TMA16: variants seen among roughly 807,000 people sequenced by gnomAD.
TMA16 encodes the protein translation machinery associated 16 homolog, also known as translation machinery-associated protein 16.
Under a neutral mutation model 27.1 loss-of-function variants are expected in TMA16, and 26 were observed. The ratio of observed to expected loss-of-function variants is 0.96; its 90% CI spans 0.70 to 1.33. The LOEUF (loss-of-function observed/expected upper bound fraction) is 1.33. TMA16 is among the 40% of genes most tolerant of loss of function. The pLI is 0.00. For synonymous variants in TMA16, 71 were observed against 81.9 expected (o/e 0.87, Z 0.72); for missense variants, 233 against 241.4 (o/e 0.97, Z 0.23).
chr4:163,495,637 A>G (rs910318469), intron 1 of TMA16, among the ~76,000 whole-genome samples: 5 of 152,108 alleles, frequency 3.3e-5, no homozygotes, highest in African/African-American at 1.2e-4. Flanking sequence ...ATTTTTTTCA[A>G]TTAATTTTTA....
At chr4:163,499,886 C>G (rs113418914) in intron 1 of TMA16, among the ~76,000 whole-genome samples, 38 of 152,286 alleles carry the variant, frequency 2.5e-4, no homozygotes, top group African/African-American at 4.8e-4. Context: ...CTTGAACACA[C>G]AGCAAATGTT....
Position 163,507,039 on chromosome 4 carries a change from G to C in TMA16, c.10G>C (p.Ala4Pro). MPKAPKGKSAGREK... is the reference protein window; with the variant it reads MPKPPKGKSAGREK... ...GTGTTTTCATACATTTTAGCCCAAA[G>C]CACCAAAGGGAAAAAGTGCAGGACG... is the stretch of plus-strand genomic sequence containing the variant. Residue 4 changes from alanine to proline, a missense_variant, in exon 2 of 7, where the codon GCA (alanine) becomes CCA (proline). Ala to Pro is a conservative substitution (Grantham distance 27). Coordinates refer to ENST00000358572, the MANE Select transcript of TMA16 (RefSeq NM_018352.3). 6.3e-7 allele frequency: 1 copy of C among 1,585,378 alleles called. No individual in the cohort carries two copies. The highest frequency in any genetic ancestry group is 8.6e-7 in the Non-Finnish European group (1 of 1,165,148).
At chr4:163,517,667 G>T in intron 6 of TMA16, 191 bp downstream of exon 6, 1 of 517,096 alleles carries the variant, frequency 1.9e-6, no homozygotes, top group Non-Finnish European at 3.4e-6. Flanking sequence ...CCAACAGGAT[G>T]GTAACCTGGT....
intron 1 of TMA16, among the ~76,000 whole-genome samples, chr4:163,504,520 CAG>C (rs775207749): frequency 5.3e-5 from 8 of 152,094 alleles, no homozygotes; most frequent in Non-Finnish European, 1.2e-4. Context: ...TGTTTTGAGG[CAG>C]AGTCTGACCC....
At chr4:163,517,544 C>G in intron 6 of TMA16, 68 bp downstream of exon 6, 2 of 1,407,474 alleles carry the variant, frequency 1.4e-6, no homozygotes, top group Non-Finnish European at 2.0e-6. Context: ...CTTTCTTCCC[C>G]TTTGAGTCTA....
Position 163,494,745 on chromosome 4 carries a change from G to T in TMA16, c.-57G>T. 6.2e-7 allele frequency: 1 copy of T among 1,612,662 alleles called. No homozygotes were observed. ...CTTGTGAGCTGCTGCTCCTGCGGTTGGTGAGATTACCTGGGTCTAGAGTGC... is the reference window on the plus strand; with the variant it reads ...CTTGTGAGCTGCTGCTCCTGCGGTTTGTGAGATTACCTGGGTCTAGAGTGC... On this transcript the variant is annotated 5_prime_UTR_variant, in exon 1 of 7. Transcript: ENST00000358572.
chr4:163,495,575 C>T (rs1041178467), intron 1 of TMA16, among the ~76,000 whole-genome samples: 1 of 152,064 alleles, frequency 6.6e-6, no homozygotes, highest in African/African-American at 2.4e-5. Flanking sequence ...CTATTTTTTA[C>T]GTAATCGTTG....
Position 163,519,309 on chromosome 4 carries a change from CTT to C in TMA16, c.432-14_432-13del, listed in dbSNP as rs374376787. ...TTAACTCTTACCAACACTCTGCACT[CTT>C]TTTTTTTTTTCCTTTTGTCTAGGGA... On this transcript the variant is annotated intron_variant, in intron 6 of 6. Transcript: ENST00000358572. 731 of 1,199,158 alleles carry C rather than the reference CTT, an allele frequency of 6.1e-4. No individual in the cohort carries two copies. Among genetic ancestry groups the C allele is most frequent in the South Asian group, 1.6e-3 (101 of 62,810 alleles). The allele number at this position is 1,199,158 out of a possible 1,614,324, so 74.3% of individuals were successfully genotyped here. A position where few individuals can be genotyped will look rare whatever the true frequency, so the allele number is the denominator to read the frequency against.
intron 2 of TMA16, among the ~76,000 whole-genome samples, chr4:163,507,391 C>G (rs2028489): frequency 0.43 from 64,998 of 151,828 alleles, 14,650 homozygotes; most frequent in Admixed American, 0.55. Context: ...ATGGGATGGA[C>G]AGTGAGGGAG....
chr4:163,517,399 A>T, intron 5 of TMA16, 35 bp from the exon 6 acceptor site: 1 of 1,570,418 alleles, frequency 6.4e-7, no homozygotes, highest in Non-Finnish European at 8.7e-7. Flanking sequence ...TTTAGAAAAC[A>T]TTGCCTCATG....
At chr4:163,514,454 A>G (rs1483707092) in intron 4 of TMA16, among the ~76,000 whole-genome samples, 1 of 152,202 alleles carries the variant, frequency 6.6e-6, no homozygotes, top group African/African-American at 2.4e-5. Flanking sequence ...AACCCCTAGC[A>G]AGAAAGAAGA....
chr4:163,509,554 G>A (rs1472759983), intron 2 of TMA16, among the ~76,000 whole-genome samples: 1 of 152,188 alleles, frequency 6.6e-6, no homozygotes, highest in Non-Finnish European at 1.5e-5. Context: ...GTCTGGGACT[G>A]CATTCATCTC....
At chr4:163,515,973 C>T (rs1053357356) in intron 5 of TMA16, 9 of 154,530 alleles carry the variant, frequency 5.8e-5, no homozygotes, top group Non-Finnish European at 1.2e-4. Context: ...GTCAGCAAAG[C>T]GTTTAGAATC....
chr4:163,504,250 G>C (rs1042918231), intron 1 of TMA16, among the ~76,000 whole-genome samples: 1 of 152,180 alleles, frequency 6.6e-6, no homozygotes, highest in African/African-American at 2.4e-5. Context: ...TGTGGGATCA[G>C]ATCTCTTTTC....
At chr4:163,494,943 G>C in intron 1 of TMA16, 139 bp downstream of exon 1, 2 of 1,295,716 alleles carry the variant, frequency 1.5e-6, no homozygotes, top group Non-Finnish European at 1.1e-6. Flanking sequence ...GGAGTGTGCG[G>C]GGTGCGGGGC....
chr4:163,501,681 C>T lies in TMA16; in HGVS notation c.4-5352C>T, dbSNP rs141046287. 2.6e-4 allele frequency among the ~76,000 whole-genome samples: 40 copies of T among 152,258 alleles called. No individual in the cohort carries two copies. In the East Asian group the frequency reaches 7.3e-3, roughly 28 times the overall value. Reference sequence around the variant, plus strand: ...TGTTGACATTGGATCAAAATCTGTACTTAACAGTATTATTTCATATTCTCT... The same window carrying T: ...TGTTGACATTGGATCAAAATCTGTATTTAACAGTATTATTTCATATTCTCT... On this transcript the variant is annotated intron_variant, in intron 1 of 6. Transcript: ENST00000358572.
intron 1 of TMA16, among the ~76,000 whole-genome samples, chr4:163,501,087 G>T (rs577367485): frequency 3.9e-5 from 6 of 152,282 alleles, no homozygotes; most frequent in Non-Finnish European, 1.5e-5. Context: ...GATCAGGCCA[G>T]TCACCTTTAT....
intron 1 of TMA16, among the ~76,000 whole-genome samples, chr4:163,498,366 C>G (rs922144083): frequency 6.0e-5 from 9 of 149,150 alleles, no homozygotes; most frequent in African/African-American, 2.2e-4. Context: ...CGGCTCACTG[C>G]AAGCTCTGCC....
Position 163,520,257 on chromosome 4 carries a change from G to C in TMA16, c.*743G>C, listed in dbSNP as rs967404372. ...TTAGGGAACCAGTGATTTTAATTAT[G>C]CTACTTTTTCTTCTAAGAGATAAAT... On this transcript the variant is annotated 3_prime_UTR_variant, in exon 7 of 7. Transcript: ENST00000358572. The C allele has an allele frequency of 4.3e-6, 1 of 233,386 alleles. No individual in the cohort carries two copies. The highest frequency in any genetic ancestry group is 2.3e-5 in the African/African-American group (1 of 44,190). 14.5% of individuals were successfully genotyped at this position (233,386 alleles called of 1,614,324 possible).
Sources: allele counts gnomAD v4.1 joint callset (sites outside exome capture counted in the v4.1 genomes callset), GRCh38; gene constraint gnomAD v4.1.1; transcripts MANE v1.5; gene names NCBI Gene and HGNC (gene_info 2026-07-23, HGNC 2026-07-21).